The following SPATA1 variants were observed in gnomAD, a reference collection of about 807,000 sequenced individuals.
SPATA1 encodes the protein spermatogenesis associated 1.
A neutral mutation model predicts 59.6 loss-of-function variants in SPATA1; 57 were observed. The ratio of observed to expected loss-of-function variants is 0.96; its 90% CI spans 0.77 to 1.19. SPATA1 has a LOEUF of 1.19. Ranked by LOEUF, SPATA1 falls within the 50% of genes most tolerant of loss-of-function variation. The pLI, the probability that SPATA1 is intolerant of heterozygous loss-of-function variation, is 0.00. For synonymous variants in SPATA1, 147 were observed against 163.9 expected (o/e 0.90, Z 0.79); for missense variants, 448 against 480.7 (o/e 0.93, Z 0.64).
chr1:84,553,871 A>G (rs1450532551), exon 13 of SPATA1: 1 of 152,228 alleles, frequency 6.6e-6, no homozygotes, highest in Non-Finnish European at 1.5e-5. Context: ...GGGCAGCACA[A>G]TGTTGTTCTT....
rs1311406409 is a variant in SPATA1 at position 84,550,412 on chromosome 1, ATATC to A, written c.1126-11_1126-8del. On this transcript the variant is annotated splice_polypyrimidine_tract_variant and intron_variant, in intron 11 of 12. Coordinates refer to ENST00000490879, the Ensembl canonical transcript of SPATA1. ...AATGTTTATATGTTATACTAAATAA[ATATC>A]TATCTATCCACACAGAATTACCTAA... is the stretch of plus-strand genomic sequence containing the variant. 2.3e-5 allele frequency: 30 copies of A among 1,308,952 alleles called. No homozygotes were observed. Among genetic ancestry groups the A allele is most frequent in the Non-Finnish European group, 2.7e-5 (26 of 965,034 alleles). The allele number at this position is 1,308,952 out of a possible 1,614,324, so 81.1% of individuals were successfully genotyped here. A position where few individuals can be genotyped will look rare whatever the true frequency, so the allele number is the denominator to read the frequency against.
chr1:84,513,205 G>C (rs1390245621), intron 1 of SPATA1, among the ~76,000 whole-genome samples: 2 of 152,106 alleles, frequency 1.3e-5, no homozygotes, highest in Non-Finnish European at 2.9e-5. Context: ...GCGCAATCTC[G>C]GCTCTCCGCA....
chr1:84,561,394 T>G (rs1315020607), intron 4 of SPATA1, among the ~76,000 whole-genome samples: 1 of 152,258 alleles, frequency 6.6e-6, no homozygotes, highest in Non-Finnish European at 1.5e-5. Flanking sequence ...GAGGAGCTAC[T>G]TCTTATGAAT....
intron 2 of SPATA1, among the ~76,000 whole-genome samples, chr1:84,519,582 T>G (rs1476189947): frequency 1.3e-5 from 2 of 152,078 alleles, no homozygotes; most frequent in Non-Finnish European, 2.9e-5. Flanking sequence ...TTTAATAGTA[T>G]AGCTAGGGGT....
At chr1:84,550,899 G>T in intron 12 of SPATA1, 2 of 978,484 alleles carry the variant, frequency 2.0e-6, no homozygotes, top group Non-Finnish European at 2.4e-6. Flanking sequence ...ATTTTTTATG[G>T]GTAATCGTTT....
At chr1:84,561,760 G>T (rs1223624647) in intron 4 of SPATA1, among the ~76,000 whole-genome samples, 1 of 152,166 alleles carries the variant, frequency 6.6e-6, no homozygotes, top group Non-Finnish European at 1.5e-5. Context: ...CAGCAAGCAG[G>T]TTATAACTTG....
At chr1:84,511,101 G>T (rs1682521791) in intron 1 of SPATA1, among the ~76,000 whole-genome samples, 1 of 152,084 alleles carries the variant, frequency 6.6e-6, no homozygotes, top group African/African-American at 2.4e-5. Context: ...TAGCACAAAA[G>T]GGTGATTATA....
chr1:84,538,792 A>ATTGGTT (rs943814336), intron 8 of SPATA1, among the ~76,000 whole-genome samples: 1 of 152,016 alleles, frequency 6.6e-6, no homozygotes, highest in Non-Finnish European at 1.5e-5. Flanking sequence ...TTGTGGGGTT[A>ATTGGTT]TTGGTTTTGG....
chr1:84,523,005 G>T (rs573348906), intron 4 of SPATA1, among the ~76,000 whole-genome samples: 1 of 151,844 alleles, frequency 6.6e-6, no homozygotes, highest in Admixed American at 6.6e-5. Context: ...CCACCCCTCA[G>T]GTTCAAGCAA....
chr1:84,554,790 G>A, downstream of SPATA1: 2 of 481,478 alleles, frequency 4.2e-6, no homozygotes, highest in Non-Finnish European at 7.3e-6. Flanking sequence ...ATATTTAATA[G>A]GTAAGTTGAC....
intron 8 of SPATA1, among the ~76,000 whole-genome samples, chr1:84,539,836 A>T (rs963886583): frequency 1.3e-5 from 2 of 152,086 alleles, no homozygotes; most frequent in Non-Finnish European, 2.9e-5. Flanking sequence ...ATGGTATGTT[A>T]GAATCTCCTT....
At chr1:84,507,328 A>G (rs1342029992) in intron 1 of SPATA1, 3 of 152,206 alleles carry the variant, frequency 2.0e-5, no homozygotes, top group African/African-American at 7.2e-5. Flanking sequence ...TCAACAGTTT[A>G]TATCAGTTCG....
chr1:84,534,142 A>T (rs897016161), intron 8 of SPATA1, among the ~76,000 whole-genome samples: 1 of 152,096 alleles, frequency 6.6e-6, no homozygotes, highest in African/African-American at 2.4e-5. Context: ...GAAGCAGTAT[A>T]GTAGTAAATT....
At chr1:84,537,036 C>T (rs956872820) in intron 8 of SPATA1, among the ~76,000 whole-genome samples, 16 of 151,796 alleles carry the variant, frequency 1.1e-4, no homozygotes, top group Non-Finnish European at 1.5e-4. Flanking sequence ...CCTGCCACCG[C>T]GCCCAGCTAA....
In SPATA1 at chr1:84,528,975, A is replaced by T. The variant is rs891386438; in HGVS notation, c.544+2902A>T. Among the ~76,000 whole-genome samples, 12 of 152,186 alleles carry T rather than the reference A, an allele frequency of 7.9e-5. No homozygotes were observed. In the South Asian group the frequency reaches 2.5e-3, roughly 32 times the overall value. Reference sequence around the variant, plus strand: ...AATATCATTCATTCCCTCCCCACTGATTTCAAATGGCACCTTTACCACACT... The same window carrying T: ...AATATCATTCATTCCCTCCCCACTGTTTTCAAATGGCACCTTTACCACACT... On this transcript the variant is annotated intron_variant, in intron 6 of 12. Transcript: ENST00000490879.
intron 1 of SPATA1, 150 bp from the exon 2 acceptor site, chr1:84,516,073 T>C (rs1253239936): frequency 3.6e-6 from 1 of 279,428 alleles, no homozygotes; most frequent in African/African-American, 2.2e-5. Context: ...CTTAGTTGTA[T>C]AGATTTATGC....
At chr1:84,543,839 A>G (rs1206240212) in intron 8 of SPATA1, among the ~76,000 whole-genome samples, 1 of 152,226 alleles carries the variant, frequency 6.6e-6, no homozygotes, top group Non-Finnish European at 1.5e-5. Flanking sequence ...CAATTTTCTA[A>G]GCAAATATAA....
At chr1:84,536,468 G>C (rs1335640313) in intron 8 of SPATA1, among the ~76,000 whole-genome samples, 1 of 152,202 alleles carries the variant, frequency 6.6e-6, no homozygotes, top group Non-Finnish European at 1.5e-5. Context: ...TTTTGAGACG[G>C]AGTCTCGCTC....
chr1:84,507,930 C>T (rs1035751598), intron 1 of SPATA1, among the ~76,000 whole-genome samples: 4 of 151,924 alleles, frequency 2.6e-5, no homozygotes, highest in Non-Finnish European at 5.9e-5. Context: ...TCTCAAACAC[C>T]AGGTGTTATT....
Sources: allele counts gnomAD v4.1 joint callset (sites outside exome capture counted in the v4.1 genomes callset), GRCh38; gene constraint gnomAD v4.1.1; transcripts MANE v1.5; gene names NCBI Gene and HGNC (gene_info 2026-07-23, HGNC 2026-07-21).